Variants in NACAD observed in about 807,000 individuals in gnomAD.
NACAD encodes the protein NAC-alpha domain-containing protein 1.
NACAD carries 47 observed loss-of-function variants against 98.9 expected under a neutral mutation model. That is an observed-to-expected ratio of 0.48 (90% CI 0.38 to 0.61). The LOEUF is 0.61. Among genes scored for constraint, NACAD ranks in the 20% least tolerant of loss-of-function variants. The pLI, the probability that NACAD is intolerant of heterozygous loss-of-function variation, is 0.00. For synonymous variants in NACAD, 696 were observed against 767.2 expected (o/e 0.91, Z 1.53); for missense variants, 1,412 against 1,748.2 (o/e 0.81, Z 3.43).
In NACAD at chr7:45,084,899, G is replaced by C; in HGVS notation, c.1281C>G (p.Ser427Arg). 1 of 1,550,980 alleles carries C rather than the reference G, an allele frequency of 6.4e-7. No homozygotes were observed. Among genetic ancestry groups the C allele is most frequent in the Non-Finnish European group, 8.7e-7 (1 of 1,146,908 alleles). Residue 427 changes from serine to arginine, a missense_variant, in exon 2 of 8, where the codon AGC becomes AGG. Physicochemically the swap from Ser to Arg is moderately radical, Grantham distance 110 (BLOSUM62 -1). This residue lies in a region of NACAD where 638 missense variants were observed against 722.7 expected (regional missense o/e 0.88). Transcript: ENST00000490531. ...QDSVQKTEEESGGGAKGLQAQ... is the reference protein window; with the variant it reads ...QDSVQKTEEERGGGAKGLQAQ... ...CCTGCAGCCCCTTGGCCCCACCTCC[G>C]CTCTCCTCCTCTGTCTTCTGGACAC...
Position 45,081,772 on chromosome 7 carries a change from C to T in NACAD, c.4168G>A (p.Val1390Met), listed in dbSNP as rs1035498664. 31 of 1,550,954 alleles carry T rather than the reference C, an allele frequency of 2.0e-5. No homozygotes were observed. The Admixed American group carries it at 3.5e-4, about 18-fold the overall frequency. Residue 1390 changes from valine to methionine, a missense_variant, in exon 3 of 8, where the codon GTG (valine) becomes ATG (methionine). By Grantham distance (21) the Val-to-Met change is conservative. Transcript: ENST00000490531. Reference protein sequence around the residue: ...DEQDILAPQTVQCPAQAPAGG... With the variant: ...DEQDILAPQTMQCPAQAPAGG... ...CTGGGCACCTGGGCTGGACACTGCA[C>T]GGTCTGAGGAGCCAAGATGTCCTGC... is the stretch of plus-strand genomic sequence containing the variant.
rs1402112659 is a variant in NACAD at position 45,084,723 on chromosome 7, T to C, written c.1457A>G (p.His486Arg). Residue 486 changes from histidine (H) to arginine (R), a missense_variant, in exon 2 of 8, where the codon CAC becomes CGC. Coordinates refer to ENST00000490531, the MANE Select transcript of NACAD (RefSeq NM_001146334.2). ...GAGGCCTGGGGCTACCTGCAGAGTG[T>C]GAGGGGTCACAGTGGCAGTGGACTC... Reference protein sequence around the residue: ...GQESTATVTPHTLQVAPGLQV... With the variant: ...GQESTATVTPRTLQVAPGLQV... The C allele has an allele frequency of 6.4e-7, 1 of 1,550,892 alleles. No homozygotes were observed. The highest frequency in any genetic ancestry group is 8.7e-7 in the Non-Finnish European group (1 of 1,146,794).
rs1784556637 is a variant in NACAD, at chr7:45,088,554, C to CGA, written c.67+272_67+273dup. On this transcript the variant is annotated intron_variant, in intron 1 of 7. Coordinates refer to ENST00000490531, the MANE Select transcript of NACAD (RefSeq NM_001146334.2). This position sits in a 1 kb window ranked among gnomAD's most constrained non-coding sequence, Gnocchi z 5.7. ...ACAACGGGATGCAGCGGGCGGGATG[C>CGA]GAGCCCCACGATCCCTGGGTCGGAA... Among the ~76,000 whole-genome samples the CGA allele has an allele frequency of 6.6e-6, 1 of 152,222 alleles. No homozygotes were observed. Among genetic ancestry groups the CGA allele is most frequent in the African/African-American group, 2.4e-5 (1 of 41,458 alleles).
chr7:45,081,894 G>T (rs1784436297), intron 2 of NACAD, 27 bp from the exon 3 acceptor site: 1 of 1,536,552 alleles, frequency 6.5e-7, no homozygotes, highest in Non-Finnish European at 8.7e-7. Flanking sequence ...GTGTGAGGAT[G>T]GCCTTTTGCT....
chr7:45,082,890 A>G lies in NACAD; in HGVS notation c.3290T>C (p.Leu1097Pro), dbSNP rs1385611270. ...LAQEHGPRSA[L>P]GGAREVPDAP... is the part of the protein sequence containing the mutation. ...ATCGGGGACCTCCCTTGCACCTCCA[A>G]GTGCTGACCTGGGTCCATGTTCCTG... is the stretch of plus-strand genomic sequence containing the variant. The change falls in exon 2 of 8, where the codon CTT becomes CCT. Residue 1097 changes from leucine (L) to proline (P), a missense_variant. By Grantham distance (98) the Leu-to-Pro change is moderately conservative. Coordinates refer to ENST00000490531, the MANE Select transcript of NACAD (RefSeq NM_001146334.2). This position sits in a 1 kb window ranked among gnomAD's most constrained non-coding sequence, Gnocchi z 4.5. 2.8e-5 allele frequency: 43 copies of G among 1,550,910 alleles called. No individual in the cohort carries two copies. The highest frequency in any genetic ancestry group is 3.7e-5 in the Non-Finnish European group (43 of 1,146,976).
Position 45,081,853 on chromosome 7 carries a change from G to C in NACAD, c.4087C>G (p.Leu1363Val), listed in dbSNP as rs1784435329. ...DSLEEDSPRALGSGQHSDSHG... is the reference protein window; with the variant it reads ...DSLEEDSPRAVGSGQHSDSHG... ...CTATCCGAATGCTGGCCCGAGCCCA[G>C]GGCCCGAGGCGAGTCTGGGGAAGGG... The change falls in exon 3 of 8, where the codon CTG (leucine) becomes GTG (valine). Residue 1363 changes from leucine to valine, a missense_variant. Physicochemically the swap from Leu to Val is conservative, Grantham distance 32. Around this residue, in one of 5 missense-constraint regions of NACAD, gnomAD observed 572 missense variants for 639.6 expected, o/e 0.89. Transcript: ENST00000490531. 10 of 1,546,682 alleles carry C rather than the reference G, an allele frequency of 6.5e-6. No individual in the cohort carries two copies. The highest frequency in any genetic ancestry group is 8.7e-6 in the Non-Finnish European group (10 of 1,146,938).
chr7:45,080,836 C>T (rs1338652722), intron 6 of NACAD, 40 bp downstream of exon 6: 3 of 1,549,686 alleles, frequency 1.9e-6, no homozygotes, highest in Non-Finnish European at 2.6e-6. Flanking sequence ...GTAGCGCCTC[C>T]CACCACCCCC....
intron 4 of NACAD, 144 bp from the exon 5 acceptor site, chr7:45,081,407 C>T: frequency 7.6e-7 from 1 of 1,311,282 alleles, no homozygotes; most frequent in Non-Finnish European, 1.0e-6. Flanking sequence ...CCCCATGAGC[C>T]TCAGTCTATA....
At position 45,082,280 on chromosome 7, in the gene NACAD, C is replaced by T. The variant is rs1459107183; in HGVS notation, c.3900G>A (p.Ser1300=). The T allele has an allele frequency of 3.7e-5, 58 of 1,550,460 alleles. No individual in the cohort carries two copies. Among genetic ancestry groups the T allele is most frequent in the Non-Finnish European group, 4.6e-5 (53 of 1,146,940 alleles). ...PLGTGPRVSL[S]PHSPLLSPKV... ...TGGGGCTGAGGAGTGGGGAGTGAGG[C>T]GAGAGGCTGACTCGCGGCCCAGTCC... Residue 1300 remains serine (S), a synonymous_variant, in exon 2 of 8, where the codon TCG becomes TCA. Coordinates refer to ENST00000490531, the MANE Select transcript of NACAD (RefSeq NM_001146334.2). The surrounding 1 kb of genome is among the most constrained non-coding windows in gnomAD (Gnocchi z 4.5).
At chr7:45,086,795 G>A (rs1168208025) in intron 1 of NACAD, among the ~76,000 whole-genome samples, 1 of 152,228 alleles carries the variant, frequency 6.6e-6, no homozygotes, top group Non-Finnish European at 1.5e-5. Flanking sequence ...GGCTTTGCTG[G>A]AGCATCTGGC....
At position 45,082,464 on chromosome 7, in the gene NACAD, G is replaced by A. The variant is rs1303766678; in HGVS notation, c.3716C>T (p.Ala1239Val). 6.5e-7 allele frequency: 1 copy of A among 1,549,112 alleles called. No individual in the cohort carries two copies. Reference protein sequence around the residue: ...PSAPGTLAGAALPPLEPPAPC... With the variant: ...PSAPGTLAGAVLPPLEPPAPC... ...GGCTGGGGGCTCCAGTGGGGGTAGG[G>A]CTGCCCCAGCAAGGGTACCAGGAGC... is the stretch of plus-strand genomic sequence containing the variant. The change falls in exon 2 of 8, where the codon GCC becomes GTC. Residue 1239 changes from alanine to valine, a missense_variant. Coordinates refer to ENST00000490531, the MANE Select transcript of NACAD (RefSeq NM_001146334.2). This position sits in a 1 kb window ranked among gnomAD's most constrained non-coding sequence, Gnocchi z 4.5.
Position 45,085,900 on chromosome 7 carries a change from T to C in NACAD, c.280A>G (p.Met94Val). Residue 94 changes from methionine (M) to valine (V), a missense_variant, in exon 2 of 8, where the codon ATG (methionine) becomes GTG (valine). Transcript: ENST00000490531. This position sits in a 1 kb window ranked among gnomAD's most constrained non-coding sequence, Gnocchi z 6.1. ...ADPGEGGPSP[M>V]LLPEGLSSQA... ...GAAGACAGGCCCTCAGGGAGGAGCA[T>C]GGGGCTTGGGCCGCCCTCCCCTGGG... The C allele has an allele frequency of 1.9e-6, 3 of 1,546,906 alleles. No homozygotes were observed. Among genetic ancestry groups the C allele is most frequent in the Non-Finnish European group, 2.6e-6 (3 of 1,145,802 alleles).
At position 45,084,537 on chromosome 7, in the gene NACAD, G is replaced by A; in HGVS notation, c.1643C>T (p.Thr548Ile). 6.4e-7 allele frequency: 1 copy of A among 1,552,276 alleles called. No homozygotes were observed. The highest frequency in any genetic ancestry group is 2.4e-5 in the East Asian group (1 of 40,920). The change falls in exon 2 of 8, where the codon ACT becomes ATT. Residue 548 changes from threonine to isoleucine, a missense_variant. Physicochemically the swap from Thr to Ile is moderately conservative, Grantham distance 89 (BLOSUM62 -1). This residue lies in a region of NACAD where 638 missense variants were observed against 722.7 expected (regional missense o/e 0.88). Coordinates refer to ENST00000490531, the MANE Select transcript of NACAD (RefSeq NM_001146334.2). ...QESVTAEKLP[T>I]PQEETSLTLC... is the part of the protein sequence containing the mutation. Reference sequence around the variant, plus strand: ...TGTGAGGCTTGTTTCTTCCTGTGGAGTTGGAAGTTTTTCTGCAGTGACAGA... The same window carrying A: ...TGTGAGGCTTGTTTCTTCCTGTGGAATTGGAAGTTTTTCTGCAGTGACAGA...
In NACAD at chr7:45,081,828, C is replaced by G; in HGVS notation, c.4112G>C (p.Ser1371Thr). ...CAGCTCGGCTGATGACTCCCCGTGG[C>G]TATCCGAATGCTGGCCCGAGCCCAG... Reference protein sequence around the residue: ...RALGSGQHSDSHGESSAELDE... With the variant: ...RALGSGQHSDTHGESSAELDE... Residue 1371 changes from serine to threonine, a missense_variant, in exon 3 of 8, where the codon AGC (serine) becomes ACC (threonine). By Grantham distance (58) the Ser-to-Thr change is moderately conservative. This residue lies in a region of NACAD where 572 missense variants were observed against 639.6 expected (regional missense o/e 0.89). Coordinates refer to ENST00000490531, the MANE Select transcript of NACAD (RefSeq NM_001146334.2). 1.3e-6 allele frequency: 2 copies of G among 1,549,348 alleles called. No homozygotes were observed. The highest frequency in any genetic ancestry group is 1.7e-6 in the Non-Finnish European group (2 of 1,146,954).
chr7:45,083,067 C>T lies in NACAD; in HGVS notation c.3113G>A (p.Gly1038Glu). The change falls in exon 2 of 8, where the codon GGG becomes GAG. Residue 1038 changes from glycine to glutamate, a missense_variant. By Grantham distance (98) the Gly-to-Glu change is moderately conservative. Around this residue, in one of 5 missense-constraint regions of NACAD, gnomAD observed 572 missense variants for 639.6 expected, o/e 0.89. Transcript: ENST00000490531. Reference sequence around the variant, plus strand: ...AGAAAGGGCTTCTGCTATTTCCTCCCCAGCACCAGAGGCCGGCTCAGGGAG... The same window carrying T: ...AGAAAGGGCTTCTGCTATTTCCTCCTCAGCACCAGAGGCCGGCTCAGGGAG... ...LSLPEPASGA[G>E]EEIAEALSRP... is the part of the protein sequence containing the mutation. 1 of 1,550,914 alleles carries T rather than the reference C, an allele frequency of 6.4e-7. No homozygotes were observed. Among genetic ancestry groups the T allele is most frequent in the Non-Finnish European group, 8.7e-7 (1 of 1,147,006 alleles).
chr7:45,083,501 G>C lies in NACAD; in HGVS notation c.2679C>G (p.Leu893=). 3.1e-6 allele frequency: 2 copies of C among 652,626 alleles called. No homozygotes were observed. The highest frequency in any genetic ancestry group is 2.8e-5 in the Admixed American group (1 of 35,400). The allele number at this position is 652,626 out of a possible 1,614,324, so 40.4% of individuals were successfully genotyped here. ...CAGCCACAGGCTTTGGGGCTGACGA[G>C]AGATCTGTGTCTTGTAGGGGCAGAG... The part of the protein sequence containing the change: ...TPPLPLQDTD[L]SSAPKPVAAA... The change falls in exon 2 of 8, where the codon CTC becomes CTG. Residue 893 remains leucine (L), a synonymous_variant. Coordinates refer to ENST00000490531, the MANE Select transcript of NACAD (RefSeq NM_001146334.2).
Position 45,084,315 on chromosome 7 carries a change from G to A in NACAD, c.1865C>T (p.Ala622Val), listed in dbSNP as rs545801966. ...AGCCTGCTGGGACACAATCGTGGCT[G>A]CAGCCACAGGCTTTGGGGCTGATGA... Reference protein sequence around the residue: ...DLSSAPKPVAAATIVSQQAEE... With the variant: ...DLSSAPKPVAVATIVSQQAEE... The change falls in exon 2 of 8, where the codon GCA becomes GTA. Residue 622 changes from alanine (A) to valine (V), a missense_variant. Ala to Val is a moderately conservative substitution (Grantham distance 64). This residue lies in a region of NACAD where 72 missense variants were observed against 198.0 expected (regional missense o/e 0.36). Coordinates refer to ENST00000490531, the MANE Select transcript of NACAD (RefSeq NM_001146334.2). 169 of 1,400,732 alleles carry A rather than the reference G, an allele frequency of 1.2e-4. 6 individuals are homozygous for A. The African/African-American group carries it at 2.5e-3, about 20-fold the overall frequency. The allele number at this position is 1,400,732 out of a possible 1,614,324, so 86.8% of individuals were successfully genotyped here. A position where few individuals can be genotyped will look rare whatever the true frequency, so the allele number is the denominator to read the frequency against.
In NACAD at chr7:45,082,293, C is replaced by A. The variant is rs763203175; in HGVS notation, c.3887G>T (p.Arg1296Leu). ...GTTQPLGTGP[R>L]VSLSPHSPLL... ...TGGGGAGTGAGGCGAGAGGCTGACT[C>A]GCGGCCCAGTCCCCAGAGGCTGTGT... Residue 1296 changes from arginine to leucine, a missense_variant, in exon 2 of 8, where the codon CGA (arginine) becomes CTA (leucine). Coordinates refer to ENST00000490531, the MANE Select transcript of NACAD (RefSeq NM_001146334.2). This position sits in a 1 kb window ranked among gnomAD's most constrained non-coding sequence, Gnocchi z 4.5. The A allele has an allele frequency of 3.0e-5, 46 of 1,550,502 alleles. 1 individual carries two copies. In the South Asian group the frequency reaches 5.2e-4, roughly 18 times the overall value.
In NACAD at chr7:45,080,680, G is replaced by A; in HGVS notation, c.4634C>T (p.Ala1545Val). ...GATGTCACTGTGGTTGTCTCTCAGA[G>A]CCCGCACGGCCTTGGCCCTGGACAC... ...ANVSRAKAVRALRDNHSDIVN... is the reference protein window; with the variant it reads ...ANVSRAKAVRVLRDNHSDIVN... Residue 1545 changes from alanine to valine, a missense_variant, in exon 7 of 8, where the codon GCT becomes GTT. This residue lies in a region of NACAD where 88 missense variants were observed against 105.4 expected (regional missense o/e 0.84). Transcript: ENST00000490531. 6.4e-7 allele frequency: 1 copy of A among 1,551,280 alleles called. No homozygotes were observed. Among genetic ancestry groups the A allele is most frequent in the Non-Finnish European group, 8.7e-7 (1 of 1,146,950 alleles).
Sources: gnomAD v4.1 joint callset for allele counts (sites outside exome capture counted in the v4.1 genomes callset) on GRCh38, gnomAD v4.1.1 for gene constraint, gnomAD v4.1.1 regional missense constraint, Gnocchi (gnomAD v3.1) non-coding constraint, MANE v1.5 for transcripts, NCBI Gene and HGNC (gene_info 2026-07-23, HGNC 2026-07-21) for gene names.